Variants in REG4 observed in about 807,000 individuals in gnomAD.
REG4 encodes regenerating islet-derived protein 4.
In REG4, 16 loss-of-function variants were observed where a neutral mutation model predicts 22.3. The ratio of observed to expected loss-of-function variants is 0.72; its 90% CI spans 0.49 to 1.09. The LOEUF is 1.09. Among genes scored for constraint, REG4 ranks in the 50% least tolerant of loss-of-function variants. The pLI is 0.00. For synonymous variants in REG4, 71 were observed against 69.2 expected (o/e 1.03, Z -0.13); for missense variants, 214 against 193.9 (o/e 1.10, Z -0.61).
At chr1:119,799,896 T>G in intron 3 of REG4, 34 bp from the exon 4 acceptor site, 1 of 1,611,358 alleles carries the variant, frequency 6.2e-7, no homozygotes, top group African/African-American at 1.3e-5. Flanking sequence ...TAATTATGCC[T>G]GCATGTTTAA....
rs1654043611 is a variant in REG4 at position 119,799,792 on chromosome 1, A to G, written c.236T>C (p.Ile79Thr). The G allele has an allele frequency of 1.2e-6, 2 of 1,614,172 alleles. No homozygotes were observed. The highest frequency in any genetic ancestry group is 1.3e-5 in the African/African-American group (1 of 75,068). ...SILSLKEASTIAEYISGYQRS... is the reference protein window; with the variant it reads ...SILSLKEASTTAEYISGYQRS... ...CTGATAGCCACTTATGTACTCTGCT[A>G]TGGTGCTGGCTTCCTTTAAACTCAG... The change falls in exon 4 of 6, where the codon ATA (isoleucine) becomes ACA (threonine). Residue 79 changes from isoleucine (I) to threonine (T), a missense_variant. By Grantham distance (89) the Ile-to-Thr change is moderately conservative. Transcript: ENST00000256585.
In REG4 at chr1:119,803,150, G is replaced by A. The variant is rs1654174665; in HGVS notation, c.83C>T (p.Pro28Leu). Residue 28 changes from proline to leucine, a missense_variant, in exon 3 of 6, where the codon CCC becomes CTC. Transcript: ENST00000256585. The part of the protein sequence containing the change: ...TGVLGDIIMR[P>L]SCAPGWFYHK... ...GTAAAACCATCCAGGAGCACAGCTG[G>A]GTCTCATGATGATATCTGCACATAA... is the stretch of plus-strand genomic sequence containing the variant. 6.6e-7 allele frequency: 1 copy of A among 1,520,022 alleles called. No individual in the cohort carries two copies. The allele number at this position is 1,520,022 out of a possible 1,614,324, so 94.2% of individuals were successfully genotyped here.
At chr1:119,795,778 G>C (rs1213761747) in intron 5 of REG4, among the ~76,000 whole-genome samples, 1 of 152,246 alleles carries the variant, frequency 6.6e-6, no homozygotes, top group Non-Finnish European at 1.5e-5. Context: ...AGGAGCCACA[G>C]AGTATAAATG....
chr1:119,808,570 T>C, intron 2 of REG4, 133 bp downstream of exon 2: 1 of 642,154 alleles, frequency 1.6e-6, no homozygotes, highest in Non-Finnish European at 2.7e-6. Context: ...CCTATCTTTG[T>C]TTTTCATCTC....
At chr1:119,804,902 G>A (rs1400030927) in intron 2 of REG4, among the ~76,000 whole-genome samples, 1 of 151,702 alleles carries the variant, frequency 6.6e-6, no homozygotes, top group East Asian at 1.9e-4. Context: ...ACCCTGCAAG[G>A]TGCTTTCTTG....
rs114755030 is a variant in REG4, at chr1:119,800,480, G to T, written c.166-618C>A. ...CCAACACACTGGGCACCTCACATTC[G>T]GTCCTAACAGCAGCCTAAGTAGGTG... On this transcript the variant is annotated intron_variant, in intron 3 of 5. Transcript: ENST00000256585. Among the ~76,000 whole-genome samples, 1,064 of 152,194 alleles carry T rather than the reference G, an allele frequency of 7.0e-3. 11 individuals are homozygous for T. Among genetic ancestry groups the T allele is most frequent in the East Asian group, 0.054 (278 of 5,174 alleles).
intron 2 of REG4, among the ~76,000 whole-genome samples, chr1:119,803,667 A>G (rs1439448847): frequency 6.6e-6 from 1 of 152,242 alleles, no homozygotes. Flanking sequence ...AGTGAAGGTC[A>G]AATAACTATA....
At chr1:119,794,785 G>C in intron 5 of REG4, 100 bp from the exon 6 acceptor site, 1 of 980,562 alleles carries the variant, frequency 1.0e-6, no homozygotes, top group Non-Finnish European at 1.6e-6. Flanking sequence ...AAGGCAATAT[G>C]ATGGTTGACT....
At chr1:119,809,498 A>C (rs1654431936) in intron 1 of REG4, among the ~76,000 whole-genome samples, 1 of 152,230 alleles carries the variant, frequency 6.6e-6, no homozygotes, top group Non-Finnish European at 1.5e-5. Flanking sequence ...GAAAATAAGA[A>C]GTAAATCCCA....
intron 2 of REG4, among the ~76,000 whole-genome samples, chr1:119,808,381 G>A (rs752928432): frequency 5.9e-5 from 9 of 152,242 alleles, no homozygotes; most frequent in Non-Finnish European, 1.0e-4. Flanking sequence ...TTCTAATTAT[G>A]GCTATGACTT....
chr1:119,803,448 G>A (rs1386972632), intron 2 of REG4, among the ~76,000 whole-genome samples: 1 of 152,168 alleles, frequency 6.6e-6, no homozygotes, highest in East Asian at 1.9e-4. Context: ...GTCAGAGTAG[G>A]GGTTATGGAA....
intron 2 of REG4, 64 bp downstream of exon 2, chr1:119,808,639 T>G: frequency 8.9e-7 from 1 of 1,124,698 alleles, no homozygotes; most frequent in South Asian, 1.3e-5. Context: ...AATGGATGAC[T>G]GTCTCACATG....
intron 1 of REG4, among the ~76,000 whole-genome samples, chr1:119,809,557 C>A (rs1288736219): frequency 6.6e-6 from 1 of 152,158 alleles, no homozygotes; most frequent in African/African-American, 2.4e-5. Flanking sequence ...TTTCTATGCA[C>A]CTCTCTCTGT....
In REG4 at chr1:119,803,049, C is replaced by A. The variant is rs748584336; in HGVS notation, c.165+19G>T. 6.2e-7 allele frequency: 1 copy of A among 1,609,696 alleles called. No individual in the cohort carries two copies. ...TTTGCTCTAGAAAGGCCAGGCCAAG[C>A]AGGCAGCAAGTTTCTTACCTCGGCA... is the stretch of plus-strand genomic sequence containing the variant. On this transcript the variant is annotated intron_variant, in intron 3 of 5. Coordinates refer to ENST00000256585, the MANE Select transcript of REG4 (RefSeq NM_032044.4).
At chr1:119,808,958 C>A (rs910446327) in intron 1 of REG4, 95 bp from the exon 2 acceptor site, 3 of 524,588 alleles carry the variant, frequency 5.7e-6, no homozygotes, top group Non-Finnish European at 1.0e-5. Context: ...TGGCTAAATC[C>A]AGACTTTATA....
chr1:119,799,736 C>G lies in REG4; in HGVS notation c.292G>C (p.Asp98His). 1 of 1,613,774 alleles carries G rather than the reference C, an allele frequency of 6.2e-7. No homozygotes were observed. The highest frequency in any genetic ancestry group is 1.1e-5 in the South Asian group (1 of 91,030). Residue 98 changes from aspartate to histidine, a missense_variant, in exon 4 of 6, where the codon GAC (aspartate) becomes CAC (histidine). Transcript: ENST00000256585. Reference sequence around the variant, plus strand: ...AAGTCTGAGGTTACCTTCTGTGGGTCGTGCAGGCCAATCCATATCGGCTGG... The same window carrying G: ...AAGTCTGAGGTTACCTTCTGTGGGTGGTGCAGGCCAATCCATATCGGCTGG... The part of the protein sequence containing the change: ...RSQPIWIGLH[D>H]PQKRQQWQWI...
At chr1:119,808,261 T>C (rs1007317602) in intron 2 of REG4, among the ~76,000 whole-genome samples, 8 of 152,230 alleles carry the variant, frequency 5.3e-5, no homozygotes, top group Non-Finnish European at 1.0e-4. Flanking sequence ...ACTTGATGTG[T>C]GATCTATAAA....
rs147209553 is a variant in REG4, at chr1:119,807,354, A to T, written c.67+1349T>A. Among the ~76,000 whole-genome samples the T allele has an allele frequency of 5.3e-4, 81 of 152,362 alleles. No homozygotes were observed. The East Asian group carries it at 0.013, about 24-fold the overall frequency. ...ATGTCCTTCTGCAGCTGGAAGGAAG[A>T]TCTATCTGGAAGAGAGAAATTGAAG... On this transcript the variant is annotated intron_variant, in intron 2 of 5. Transcript: ENST00000256585.
chr1:119,798,727 T>A, intron 4 of REG4, 125 bp from the exon 5 acceptor site: 3 of 626,230 alleles, frequency 4.8e-6, no homozygotes, highest in Admixed American at 5.3e-5. Context: ...CAGAAATGCT[T>A]AAAGAAGGAA....
Sources: allele counts gnomAD v4.1 joint callset (sites outside exome capture counted in the v4.1 genomes callset), GRCh38; gene constraint gnomAD v4.1.1; transcripts MANE v1.5; gene names NCBI Gene and HGNC (gene_info 2026-07-23, HGNC 2026-07-21).